Variants in NCOA2 observed in about 807,000 individuals in gnomAD.
The protein encoded by NCOA2 is class E basic helix-loop-helix protein 75.
A neutral mutation model predicts 145.1 loss-of-function variants in NCOA2; 21 were observed. The ratio of observed to expected loss-of-function variants is 0.14; its 90% CI spans 0.10 to 0.21. The LOEUF (loss-of-function observed/expected upper bound fraction) is 0.21. Ranked by LOEUF, NCOA2 falls within the 10% of genes least tolerant of loss-of-function variation. The probability of loss-of-function intolerance (pLI) is 1.00; values close to 1 mark genes in which losing one functional copy is unlikely to be tolerated. For synonymous variants in NCOA2, 619 were observed against 637.5 expected (o/e 0.97, Z 0.44); for missense variants, 1,472 against 1,837.6 (o/e 0.80, Z 3.64).
Position 70,131,852 on chromosome 8 carries a change from G to C in NCOA2, c.3309C>G (p.Pro1103=), listed in dbSNP as rs768076818. ...LEEIDRALGI[P]ELVSQSQAVD... ...CCGCGCATACCTGGCTGACCAGTTCGGGTATTCCTAAGGCTCTATCAATCT... is the reference window on the plus strand; with the variant it reads ...CCGCGCATACCTGGCTGACCAGTTCCGGTATTCCTAAGGCTCTATCAATCT... Residue 1103 remains proline, a synonymous_variant, in exon 16 of 23, where the codon CCC becomes CCG. Coordinates refer to ENST00000452400, the MANE Select transcript of NCOA2 (RefSeq NM_006540.4). The C allele has an allele frequency of 2.5e-6, 4 of 1,593,582 alleles. No individual in the cohort carries two copies. The highest frequency in any genetic ancestry group is 4.6e-5 in the East Asian group (2 of 43,784).
intron 2 of NCOA2, among the ~76,000 whole-genome samples, chr8:70,266,416 T>C (rs1017201635): frequency 1.3e-5 from 2 of 152,248 alleles, no homozygotes; most frequent in African/African-American, 4.8e-5. Flanking sequence ...CAGCCATTGC[T>C]GAACAATACA....
intron 2 of NCOA2, among the ~76,000 whole-genome samples, chr8:70,263,455 G>GT (rs1280233000): frequency 6.6e-6 from 1 of 152,032 alleles, no homozygotes; most frequent in Non-Finnish European, 1.5e-5. Context: ...TCCGTTTCAT[G>GT]TAAGTGGTAT....
Position 70,264,648 on chromosome 8 carries a change from A to G in NCOA2, c.-20+32096T>C, listed in dbSNP as rs552086723. ...TATTACCCTCATAGGTAATACTCTA[A>G]AGAAACTGTCATATCTATGTAAGGT... is the stretch of plus-strand genomic sequence containing the variant. On this transcript the variant is annotated intron_variant, in intron 2 of 22. Transcript: ENST00000452400. 2.0e-5 allele frequency among the ~76,000 whole-genome samples: 3 copies of G among 152,368 alleles called. No homozygotes were observed. The South Asian group carries it at 6.2e-4, about 32-fold the overall frequency.
the NCOA2 span, among the ~76,000 whole-genome samples, chr8:70,442,151 G>GAAAGAAAGAAAGAAAGAAAGAAAGAA: frequency 7.2e-6 from 1 of 139,090 alleles, no homozygotes; most frequent in African/African-American, 3.1e-5. Context: ...AAGAAAGAAA[G>GAAAGAAAGAAAGAAAGAAAGAAAGAA]AAAGAAAGAA....
intron 1 of NCOA2, among the ~76,000 whole-genome samples, chr8:70,319,180 A>G (rs1476481561): frequency 6.6e-6 from 1 of 152,164 alleles, no homozygotes; most frequent in Non-Finnish European, 1.5e-5. Context: ...GGAAACTGGC[A>G]TCTGTACATT....
chr8:70,259,921 G>A (rs116419683), intron 2 of NCOA2, among the ~76,000 whole-genome samples: 1,749 of 152,266 alleles, frequency 0.011, 42 homozygotes, highest in African/African-American at 0.04. Context: ...TCACTGTACT[G>A]AGTCCCTGAT....
At chr8:70,356,678 T>C (rs1406583615) in intron 1 of NCOA2, among the ~76,000 whole-genome samples, 4 of 152,234 alleles carry the variant, frequency 2.6e-5, no homozygotes, top group Non-Finnish European at 5.9e-5. Flanking sequence ...TTCCTATTAG[T>C]TGACTGCTAC....
chr8:70,352,337 C>T (rs1226562551), intron 1 of NCOA2, among the ~76,000 whole-genome samples: 1 of 152,090 alleles, frequency 6.6e-6, no homozygotes, highest in Non-Finnish European at 1.5e-5. Context: ...GGTCAAGAGA[C>T]AAAATTGGAA....
chr8:70,247,318 C>T (rs1822715497), intron 2 of NCOA2, among the ~76,000 whole-genome samples: 1 of 151,982 alleles, frequency 6.6e-6, no homozygotes, highest in South Asian at 2.1e-4. Flanking sequence ...ATTTAAAATA[C>T]CAGCCTATGC....
intron 2 of NCOA2, among the ~76,000 whole-genome samples, chr8:70,244,803 A>T (rs1053249627): frequency 6.6e-6 from 1 of 152,128 alleles, no homozygotes; most frequent in African/African-American, 2.4e-5. Context: ...GGAATATTTT[A>T]AAAACACTAC....
intron 4 of NCOA2, among the ~76,000 whole-genome samples, chr8:70,192,575 A>T (rs1282452740): frequency 6.6e-6 from 1 of 152,214 alleles, no homozygotes; most frequent in Non-Finnish European, 1.5e-5. Context: ...CTGCAAAGGG[A>T]GGAGCCAGGA....
chr8:70,260,212 C>T (rs1472888834), intron 2 of NCOA2, among the ~76,000 whole-genome samples: 1 of 151,926 alleles, frequency 6.6e-6, no homozygotes, highest in African/African-American at 2.4e-5. Flanking sequence ...GGGTCTCGGT[C>T]TGTCGCCCAG....
chr8:70,288,404 C>T (rs1826405280), intron 2 of NCOA2, among the ~76,000 whole-genome samples: 1 of 151,930 alleles, frequency 6.6e-6, no homozygotes, highest in Non-Finnish European at 1.5e-5. Context: ...ATGGCGAAAC[C>T]CCATCTCTAC....
At chr8:70,170,017 T>G (rs1814056609) in intron 6 of NCOA2, among the ~76,000 whole-genome samples, 185 bp downstream of exon 6, 1 of 152,146 alleles carries the variant, frequency 6.6e-6, no homozygotes, top group Admixed American at 6.5e-5. Flanking sequence ...TATCTGAAGA[T>G]GCCCCCTTTT....
At chr8:70,258,806 T>C (rs1354660690) in intron 2 of NCOA2, among the ~76,000 whole-genome samples, 1 of 152,206 alleles carries the variant, frequency 6.6e-6, no homozygotes, top group Non-Finnish European at 1.5e-5. Context: ...ACAGTACTGA[T>C]TTGAGGATTA....
chr8:70,274,924 G>A (rs1291104103), intron 2 of NCOA2, among the ~76,000 whole-genome samples: 1 of 152,124 alleles, frequency 6.6e-6, no homozygotes, highest in East Asian at 1.9e-4. Flanking sequence ...AAACACTGAG[G>A]CATCATCTCC....
intron 1 of NCOA2, among the ~76,000 whole-genome samples, chr8:70,390,760 C>T (rs1813124193): frequency 6.6e-6 from 1 of 152,036 alleles, no homozygotes; most frequent in Admixed American, 6.6e-5. Context: ...AGAGCAAGAC[C>T]CTGTCTCTAA....
chr8:70,280,049 A>C (rs563200143), intron 2 of NCOA2, among the ~76,000 whole-genome samples: 1 of 152,284 alleles, frequency 6.6e-6, no homozygotes, highest in East Asian at 1.9e-4. Flanking sequence ...TCAAGAATCT[A>C]TCTTCTTGTG....
rs1275536139 is a variant in NCOA2, at chr8:70,225,342, G to A, written c.-19-8578C>T. On this transcript the variant is annotated intron_variant, in intron 2 of 22. Coordinates refer to ENST00000452400, the MANE Select transcript of NCOA2 (RefSeq NM_006540.4). ...GTGCAGGTGGACCATGAAGTCAGACGTTCGAGACCAACATGACCAACATGG... is the reference window on the plus strand; with the variant it reads ...GTGCAGGTGGACCATGAAGTCAGACATTCGAGACCAACATGACCAACATGG... Among the ~76,000 whole-genome samples the A allele has an allele frequency of 2.0e-5, 3 of 152,040 alleles. No individual in the cohort carries two copies. In the East Asian group the frequency reaches 5.8e-4, roughly 29 times the overall value.
Sources: allele counts gnomAD v4.1 joint callset (sites outside exome capture counted in the v4.1 genomes callset), GRCh38; gene constraint gnomAD v4.1.1; transcripts MANE v1.5; gene names NCBI Gene and HGNC (gene_info 2026-07-23, HGNC 2026-07-21).